SGPP1: variants seen among roughly 807,000 people sequenced by gnomAD.
The protein encoded by SGPP1 is sphingosine-1-phosphate phosphatase 1, also known as hSPP1.
In SGPP1, 21 loss-of-function variants were observed where a neutral mutation model predicts 33.0. The ratio of observed to expected loss-of-function variants is 0.64; its 90% CI spans 0.45 to 0.92. The LOEUF (loss-of-function observed/expected upper bound fraction) is 0.92, where lower values mean the gene tolerates loss of function less well. SGPP1 is among the 40% of genes least tolerant of loss of function. The pLI is 0.00. For missense variants in SGPP1, 543 were observed against 589.4 expected, an observed-to-expected ratio of 0.92 and a Z score of 0.81; for synonymous variants, 239 against 241.2, an observed-to-expected ratio of 0.99 and a Z score of 0.08.
At chr14:63,695,229 T>G (rs1404171721) in intron 2 of SGPP1, among the ~76,000 whole-genome samples, 1 of 152,134 alleles carries the variant, frequency 6.6e-6, no homozygotes, top group Non-Finnish European at 1.5e-5. Flanking sequence ...GCTAATTTTT[T>G]GTATTTTTAG....
chr14:63,718,977 C>CATATATATATATATAT (rs1221455081), intron 1 of SGPP1, among the ~76,000 whole-genome samples: 5 of 26,968 alleles, frequency 1.9e-4, no homozygotes, highest in Non-Finnish European at 2.5e-4. Flanking sequence ...TATGTATATA[C>CATATATATATATATAT]ATATATATAT....
chr14:63,724,251 T>C (rs1384772850), intron 1 of SGPP1, among the ~76,000 whole-genome samples: 2 of 151,988 alleles, frequency 1.3e-5, no homozygotes. Flanking sequence ...CTCTGGGTGG[T>C]GAATCTTGAG....
In SGPP1 at chr14:63,686,150, G is replaced by A. The variant is rs185707956; in HGVS notation, c.1281C>T (p.Ile427=). 3 of 1,609,074 alleles carry A rather than the reference G, an allele frequency of 1.9e-6. No homozygotes were observed. Among genetic ancestry groups the A allele is most frequent in the East Asian group, 2.2e-5 (1 of 44,808 alleles). Residue 427 remains isoleucine, a synonymous_variant, in exon 3 of 3, where the codon ATC becomes ATT. Transcript: ENST00000247225. ...YITYGMVGFS[I]TFFVPYIFFF... is the part of the protein sequence containing the mutation. The stretch of plus-strand genomic sequence containing the variant: ...AAAATATGTAAGGAACAAAAAATGT[G>A]ATGGAGAAACCAACCATTCCATAGG...
chr14:63,712,914 T>C (rs1321996444), intron 1 of SGPP1, among the ~76,000 whole-genome samples: 4 of 125,248 alleles, frequency 3.2e-5, no homozygotes, highest in Non-Finnish European at 6.4e-5. Flanking sequence ...CAAAACTCTG[T>C]CTCAAAAAAA....
chr14:63,687,938 T>C (rs1885014248), intron 2 of SGPP1, among the ~76,000 whole-genome samples: 2 of 152,000 alleles, frequency 1.3e-5, no homozygotes, highest in African/African-American at 4.8e-5. Context: ...CTGGCCAACA[T>C]GGTGAAACCC....
intron 1 of SGPP1, among the ~76,000 whole-genome samples, chr14:63,715,829 C>A (rs992449091): frequency 6.6e-6 from 1 of 152,150 alleles, no homozygotes; most frequent in Non-Finnish European, 1.5e-5. Flanking sequence ...GAAAAAACCA[C>A]TGTGGAGAGG....
At chr14:63,709,421 T>A (rs977080823) in intron 1 of SGPP1, among the ~76,000 whole-genome samples, 1 of 152,066 alleles carries the variant, frequency 6.6e-6, no homozygotes, top group African/African-American at 2.4e-5. Context: ...TCTTTACAGT[T>A]AAAGAACAGA....
Position 63,727,802 on chromosome 14 carries a change from G to A in SGPP1, c.143C>T (p.Pro48Leu). 6.6e-7 allele frequency: 1 copy of A among 1,506,262 alleles called. No homozygotes were observed. Among genetic ancestry groups the A allele is most frequent in the Non-Finnish European group, 8.8e-7 (1 of 1,133,944 alleles). The allele number at this position is 1,506,262 out of a possible 1,614,324, so 93.3% of individuals were successfully genotyped here. ...TCGCAGTCGAGGGTCTCCGGCGAGAGGCGCCTCCGCTTTCTCATCCTCCCT... is the reference window on the plus strand; with the variant it reads ...TCGCAGTCGAGGGTCTCCGGCGAGAAGCGCCTCCGCTTTCTCATCCTCCCT... ...DRREDEKAEA[P>L]LAGDPRLRGR... The change falls in exon 1 of 3, where the codon CCT becomes CTT. Residue 48 changes from proline to leucine, a missense_variant. By Grantham distance (98) the Pro-to-Leu change is moderately conservative. Transcript: ENST00000247225.
intron 1 of SGPP1, among the ~76,000 whole-genome samples, chr14:63,717,317 CTTTT>C (rs111825145): frequency 1.4e-5 from 2 of 139,076 alleles, no homozygotes; most frequent in African/African-American, 2.6e-5. Flanking sequence ...TGGAATTTCT[CTTTT>C]TTTTTTTTTT....
intron 1 of SGPP1, among the ~76,000 whole-genome samples, chr14:63,713,757 A>G (rs1053669520): frequency 1.3e-5 from 2 of 152,240 alleles, no homozygotes; most frequent in Non-Finnish European, 2.9e-5. Flanking sequence ...CAGTTCATAC[A>G]TATGGGTGTG....
chr14:63,698,798 A>T (rs1885240523), intron 1 of SGPP1, 140 bp from the exon 2 acceptor site: 2 of 441,104 alleles, frequency 4.5e-6, no homozygotes, highest in African/African-American at 2.1e-5. Context: ...TATTTCCAGC[A>T]CCTAACCCTG....
At chr14:63,709,467 T>C (rs1371398431) in intron 1 of SGPP1, among the ~76,000 whole-genome samples, 1 of 152,120 alleles carries the variant, frequency 6.6e-6, no homozygotes, top group Admixed American at 6.6e-5. Flanking sequence ...TATTATACTC[T>C]AGTGACCTAT....
At position 63,727,836 on chromosome 14, in the gene SGPP1, C is replaced by T. The variant is rs1284018622; in HGVS notation, c.109G>A (p.Ala37Thr). 2.0e-6 allele frequency: 3 copies of T among 1,512,308 alleles called. No individual in the cohort carries two copies. Among genetic ancestry groups the T allele is most frequent in the Non-Finnish European group, 2.6e-6 (3 of 1,136,530 alleles). The allele number at this position is 1,512,308 out of a possible 1,614,324, so 93.7% of individuals were successfully genotyped here. A position where few individuals can be genotyped will look rare whatever the true frequency, so the allele number is the denominator to read the frequency against. ...GCTTTCTCATCCTCCCTCCGGTCTG[C>T]TGAGCGGCGCGGCGGCGCTTCCACC... ...CGVEAPPRRS[A>T]DRREDEKAEA... The change falls in exon 1 of 3, where the codon GCA (alanine) becomes ACA (threonine). Residue 37 changes from alanine (A) to threonine (T), a missense_variant. By Grantham distance (58) the Ala-to-Thr change is moderately conservative. Transcript: ENST00000247225.
intron 1 of SGPP1, among the ~76,000 whole-genome samples, chr14:63,707,159 C>G (rs1378588202): frequency 6.6e-6 from 1 of 151,618 alleles, no homozygotes; most frequent in Non-Finnish European, 1.5e-5. Flanking sequence ...CATCTAATGT[C>G]AGTGTTATTA....
chr14:63,708,251 CTT>C (rs36105615), intron 1 of SGPP1, among the ~76,000 whole-genome samples: 1,436 of 97,682 alleles, frequency 0.015, 14 homozygotes, highest in African/African-American at 0.06. Context: ...AGCAGCAATC[CTT>C]TTTTTTTTTT....
chr14:63,707,440 C>G (rs11158506), intron 1 of SGPP1, among the ~76,000 whole-genome samples: 13,601 of 152,090 alleles, frequency 0.089, 1,321 homozygotes, highest in African/African-American at 0.25. Context: ...CATTCCAGAT[C>G]ATGAGGAAGA....
Position 63,727,384 on chromosome 14 carries a change from G to C in SGPP1, c.561C>G (p.Ala187=), listed in dbSNP as rs1252659811. The C allele has an allele frequency of 1.2e-6, 2 of 1,614,118 alleles. No individual in the cohort carries two copies. The highest frequency in any genetic ancestry group is 8.5e-7 in the Non-Finnish European group (1 of 1,180,032). ...CCTCCAACTTGACCACGGGCGGCGA[G>C]GCGGGCCTCGGCCAGCGGATGATGT... ...TKDIIRWPRP[A]SPPVVKLEVF... The change falls in exon 1 of 3, where the codon GCC becomes GCG. Residue 187 remains alanine, a synonymous_variant. Coordinates refer to ENST00000247225, the MANE Select transcript of SGPP1 (RefSeq NM_030791.4).
chr14:63,693,858 A>C (rs1210839628), intron 2 of SGPP1, among the ~76,000 whole-genome samples: 1 of 152,206 alleles, frequency 6.6e-6, no homozygotes, highest in Non-Finnish European at 1.5e-5. Context: ...TTGGCCTTGC[A>C]AATTGTTGGG....
intron 1 of SGPP1, among the ~76,000 whole-genome samples, chr14:63,705,117 ACT>A (rs1313128744): frequency 6.6e-6 from 1 of 151,212 alleles, no homozygotes; most frequent in East Asian, 1.9e-4. Flanking sequence ...ACAGGGCGAG[ACT>A]CTGTCTTTAA....
Sources: gnomAD v4.1 joint callset for allele counts (sites outside exome capture counted in the v4.1 genomes callset) on GRCh38, gnomAD v4.1.1 for gene constraint, MANE v1.5 for transcripts, NCBI Gene and HGNC (gene_info 2026-07-23, HGNC 2026-07-21) for gene names.